The following MYCBP2 variants were observed in gnomAD, a reference collection of about 807,000 sequenced individuals.
MYCBP2 encodes MYC binding protein 2, also known as E3 ubiquitin-protein ligase MYCBP2.
Under a neutral mutation model 525.3 loss-of-function variants are expected in MYCBP2, and 120 were observed. The observed-to-expected ratio is 0.23, with a 90% CI of 0.20 to 0.27. The LOEUF is 0.27. MYCBP2 is among the 10% of genes least tolerant of loss of function. MYCBP2 has a pLI of 1.00. For synonymous variants in MYCBP2, 1,894 were observed against 1,955.8 expected (o/e 0.97, Z 0.83); for missense variants, 4,149 against 5,657.1 (o/e 0.73, Z 8.55).
At position 77,150,853 on chromosome 13, in the gene MYCBP2, T is replaced by C. The variant is rs779929156; in HGVS notation, c.7012A>G (p.Thr2338Ala). The change falls in exon 47 of 83, where the codon ACA becomes GCA. Residue 2338 changes from threonine (T) to alanine (A), a missense_variant. By Grantham distance (58) the Thr-to-Ala change is moderately conservative. Coordinates refer to ENST00000544440, the MANE Select transcript of MYCBP2 (RefSeq NM_015057.5). ...ATGTCAGTATTAGAAGATGCAGCTG[T>C]TACTGCAGGACTGCCAGGAATCCTT... Reference protein sequence around the residue: ...PQRIPGSPAVTAASSNTDMTY... With the variant: ...PQRIPGSPAVAAASSNTDMTY... 6.2e-7 allele frequency: 1 copy of C among 1,614,110 alleles called. No individual in the cohort carries two copies. Among genetic ancestry groups the C allele is most frequent in the Non-Finnish European group, 8.5e-7 (1 of 1,179,944 alleles).
At chr13:77,074,988 T>C (rs750406888) in intron 68 of MYCBP2, among the ~76,000 whole-genome samples, 27 of 152,168 alleles carry the variant, frequency 1.8e-4, no homozygotes, top group Non-Finnish European at 3.5e-4. Context: ...GCTGGCAGAC[T>C]GCTTGAGCCC....
chr13:77,225,395 T>C (rs953680227), intron 19 of MYCBP2, 40 bp downstream of exon 19: 7 of 1,611,432 alleles, frequency 4.3e-6, no homozygotes, highest in South Asian at 1.1e-5. Context: ...CTGAGCACAA[T>C]TGTAAAAACG....
intron 52 of MYCBP2, chr13:77,129,091 A>T (rs2052257269): frequency 2.5e-6 from 1 of 396,370 alleles, no homozygotes; most frequent in African/African-American, 2.1e-5. Flanking sequence ...TTTTAAAGAC[A>T]CAAAATTTGT....
rs1222919355 is a variant in MYCBP2, at chr13:77,176,490, A to C, written c.5472+7T>G. ...TATTCACAATAGAAACATTCAGTTG[A>C]AACTACCTTTAAAGGAACCACTTTG... On this transcript the variant is annotated splice_region_variant and intron_variant, in intron 36 of 82. Coordinates refer to ENST00000544440, the MANE Select transcript of MYCBP2 (RefSeq NM_015057.5). 1 of 1,573,814 alleles carries C rather than the reference A, an allele frequency of 6.4e-7. No individual in the cohort carries two copies. Among genetic ancestry groups the C allele is most frequent in the Admixed American group, 1.7e-5 (1 of 57,732 alleles).
At position 77,144,708 on chromosome 13, in the gene MYCBP2, T is replaced by C. The variant is rs578083957; in HGVS notation, c.7188-148A>G. 1.4e-5 allele frequency: 9 copies of C among 633,824 alleles called. No homozygotes were observed. The South Asian group carries it at 1.5e-4, about 11-fold the overall frequency. The allele number at this position is 633,824 out of a possible 1,614,324, so 39.3% of individuals were successfully genotyped here. A position where few individuals can be genotyped will look rare whatever the true frequency, so the allele number is the denominator to read the frequency against. Reference sequence around the variant, plus strand: ...TAGTACGCTTGCCTACTCTCCAAAATGCTTGAATTTCACTTCTTTCTTACC... The same window carrying C: ...TAGTACGCTTGCCTACTCTCCAAAACGCTTGAATTTCACTTCTTTCTTACC... On this transcript the variant is annotated intron_variant, in intron 48 of 82. Transcript: ENST00000544440.
At chr13:77,198,290 T>C (rs2061983998) in intron 26 of MYCBP2, among the ~76,000 whole-genome samples, 1 of 152,240 alleles carries the variant, frequency 6.6e-6, no homozygotes, top group Admixed American at 6.5e-5. Context: ...CTTTATTCAT[T>C]CTTACATTAT....
In MYCBP2 at chr13:77,177,989, G is replaced by T. The variant is rs373069851; in HGVS notation, c.5134-35C>A. The T allele has an allele frequency of 1.0e-5, 13 of 1,297,674 alleles. No individual in the cohort carries two copies. The African/African-American group carries it at 1.9e-4, about 19-fold the overall frequency. The allele number at this position is 1,297,674 out of a possible 1,614,324, so 80.4% of individuals were successfully genotyped here. A position where few individuals can be genotyped will look rare whatever the true frequency, so the allele number is the denominator to read the frequency against. ...ATAAAAGCAATTGTATCAGTAGTTG[G>T]TATACCTTTAACAAAACCATCCAAA... On this transcript the variant is annotated intron_variant, in intron 34 of 82. Coordinates refer to ENST00000544440, the MANE Select transcript of MYCBP2 (RefSeq NM_015057.5).
intron 35 of MYCBP2, among the ~76,000 whole-genome samples, chr13:77,177,334 C>CTTTTTTTTTT (rs748460042): frequency 1.5e-4 from 18 of 122,888 alleles, no homozygotes; most frequent in African/African-American, 1.9e-4. Flanking sequence ...TCTTTTCTTT[C>CTTTTTTTTTT]TTTTTTTTTT....
In MYCBP2 at chr13:77,155,913, C is replaced by T. The variant is rs113777599; in HGVS notation, c.6915+145G>A. 1.2e-5 allele frequency: 9 copies of T among 741,748 alleles called. No homozygotes were observed. In the African/African-American group the frequency reaches 1.4e-4, roughly 12 times the overall value. 45.9% of individuals were successfully genotyped at this position (741,748 alleles called of 1,614,324 possible). ...ACACTTGGGGACTAATTAATATAAACAAGTCATTTAAACAAACTTTCAGCA... is the reference window on the plus strand; with the variant it reads ...ACACTTGGGGACTAATTAATATAAATAAGTCATTTAAACAAACTTTCAGCA... On this transcript the variant is annotated intron_variant, in intron 46 of 82. Transcript: ENST00000544440.
Position 77,243,147 on chromosome 13 carries a change from G to C in MYCBP2, c.2541C>G (p.Pro847=). Residue 847 remains proline (P), a synonymous_variant, in exon 17 of 83, where the codon CCC becomes CCG. Coordinates refer to ENST00000544440, the MANE Select transcript of MYCBP2 (RefSeq NM_015057.5). ...PLDLLLAVPV[P]GVNIEEHLQL... The stretch of plus-strand genomic sequence containing the variant: ...GAAGGTGTTCTTCAATGTTAACCCC[G>C]GGCACTGGGACAGCTAGATGATTGG... The C allele has an allele frequency of 1.2e-6, 2 of 1,613,752 alleles. No homozygotes were observed. The highest frequency in any genetic ancestry group is 1.7e-6 in the Non-Finnish European group (2 of 1,179,884).
At chr13:77,312,972 C>CA (rs2080457893) in intron 1 of MYCBP2, among the ~76,000 whole-genome samples, 1 of 151,830 alleles carries the variant, frequency 6.6e-6, no homozygotes, top group South Asian at 2.1e-4. Context: ...ACATTCTTCT[C>CA]AAGTGTGTAT....
At chr13:77,108,798 G>C (rs1381381588) in intron 55 of MYCBP2, among the ~76,000 whole-genome samples, 1 of 151,750 alleles carries the variant, frequency 6.6e-6, no homozygotes, top group Non-Finnish European at 1.5e-5. Flanking sequence ...CTGCCTCCCA[G>C]GTTTACACCA....
intron 29 of MYCBP2, among the ~76,000 whole-genome samples, chr13:77,189,663 T>A (rs1250276001): frequency 6.6e-6 from 1 of 152,180 alleles, no homozygotes; most frequent in East Asian, 1.9e-4. Context: ...AGTATTGCAG[T>A]AGTCTAGAAA....
chr13:77,230,117 A>G (rs951420979), intron 18 of MYCBP2, among the ~76,000 whole-genome samples: 1 of 152,276 alleles, frequency 6.6e-6, no homozygotes. Context: ...GCCTTTAGTC[A>G]ATATCTGCCT....
At chr13:77,141,461 G>C (rs1423002140) in intron 49 of MYCBP2, among the ~76,000 whole-genome samples, 1 of 152,038 alleles carries the variant, frequency 6.6e-6, no homozygotes, top group East Asian at 1.9e-4. Flanking sequence ...AGCTGTTGTA[G>C]GAAATAAATG....
intron 4 of MYCBP2, among the ~76,000 whole-genome samples, chr13:77,276,298 T>C (rs772776332): frequency 6.6e-6 from 1 of 152,106 alleles, no homozygotes; most frequent in African/African-American, 2.4e-5. Context: ...GTAAGAGTTA[T>C]ATAAATATAC....
In MYCBP2 at chr13:77,270,420, G is replaced by A; in HGVS notation, c.1064C>T (p.Pro355Leu). 6.2e-7 allele frequency: 1 copy of A among 1,613,526 alleles called. No individual in the cohort carries two copies. The highest frequency in any genetic ancestry group is 8.5e-7 in the Non-Finnish European group (1 of 1,179,790). The change falls in exon 6 of 83, where the codon CCA (proline) becomes CTA (leucine). Residue 355 changes from proline (P) to leucine (L), a missense_variant. By Grantham distance (98) the Pro-to-Leu change is moderately conservative. Transcript: ENST00000544440. ...IKKAALMHKWPLKEISVDEDD... is the reference protein window; with the variant it reads ...IKKAALMHKWLLKEISVDEDD... ...TTCATCAACAGATATTTCTTTTAAT[G>A]GCCACTTGTGCATTAAAGCTGCTTT...
chr13:77,263,755 G>C lies in MYCBP2; in HGVS notation c.1466C>G (p.Thr489Ser). 1 of 1,613,158 alleles carries C rather than the reference G, an allele frequency of 6.2e-7. No individual in the cohort carries two copies. The highest frequency in any genetic ancestry group is 8.5e-7 in the Non-Finnish European group (1 of 1,179,462). Residue 489 changes from threonine (T) to serine (S), a missense_variant, in exon 10 of 83, where the codon ACT becomes AGT. Thr to Ser is a moderately conservative substitution (Grantham distance 58). Coordinates refer to ENST00000544440, the MANE Select transcript of MYCBP2 (RefSeq NM_015057.5). ...GFVVRIFATS[T>S]EPVLQQELQL... Reference sequence around the variant, plus strand: ...CAATTCTTGCTGTAGAACAGGTTCAGTGCTTGTGGCAAATATTCTGACAAC... The same window carrying C: ...CAATTCTTGCTGTAGAACAGGTTCACTGCTTGTGGCAAATATTCTGACAAC...
At chr13:77,153,732 TAA>T (rs796361585) in intron 46 of MYCBP2, among the ~76,000 whole-genome samples, 4 of 133,638 alleles carry the variant, frequency 3.0e-5, no homozygotes, top group African/African-American at 1.1e-4. Flanking sequence ...TGTCAATAAA[TAA>T]GATTTCCTTA....
Sources: gnomAD v4.1 joint callset for allele counts (sites outside exome capture counted in the v4.1 genomes callset) on GRCh38, gnomAD v4.1.1 for gene constraint, MANE v1.5 for transcripts, NCBI Gene and HGNC (gene_info 2026-07-23, HGNC 2026-07-21) for gene names.